The following IGSF21 variants were observed in gnomAD, a reference collection of about 807,000 sequenced individuals.
IGSF21 encodes the protein immunoglobulin superfamily member 21.
Under a neutral mutation model 46.8 loss-of-function variants are expected in IGSF21, and 28 were observed. That is an observed-to-expected ratio of 0.60 (90% CI 0.44 to 0.82). The LOEUF (loss-of-function observed/expected upper bound fraction) is 0.82. Ranked by LOEUF, IGSF21 falls within the 40% of genes least tolerant of loss-of-function variation. The pLI is 0.00. For synonymous variants in IGSF21, 284 were observed against 273.6 expected (o/e 1.04, Z -0.38); for missense variants, 624 against 665.5 (o/e 0.94, Z 0.69).
chr1:18,243,573 AC>A (rs1332727346), intron 2 of IGSF21, among the ~76,000 whole-genome samples: 2 of 152,062 alleles, frequency 1.3e-5, no homozygotes, highest in African/African-American at 4.8e-5. Flanking sequence ...AGCCAGAGTG[AC>A]CTTTTGAAAT....
At chr1:18,248,888 G>T (rs959965952) in intron 2 of IGSF21, among the ~76,000 whole-genome samples, 2 of 152,108 alleles carry the variant, frequency 1.3e-5, no homozygotes, top group South Asian at 2.1e-4. Flanking sequence ...TGATGGAGGG[G>T]TACATAGCAT....
chr1:18,376,278 C>G (rs774556115), intron 6 of IGSF21, 32 bp from the exon 7 acceptor site: 36 of 1,456,900 alleles, frequency 2.5e-5, no homozygotes, highest in Non-Finnish European at 3.4e-5. Context: ...CCTTTCCTTA[C>G]TCTCTCTGAC....
intron 1 of IGSF21, among the ~76,000 whole-genome samples, chr1:18,201,546 T>A (rs570120594): frequency 6.6e-6 from 1 of 152,172 alleles, no homozygotes. Context: ...ACAGCACCCA[T>A]GTCAACTCAG....
chr1:18,192,550 A>C (rs1327426910), intron 1 of IGSF21, among the ~76,000 whole-genome samples: 1 of 152,220 alleles, frequency 6.6e-6, no homozygotes, highest in East Asian at 1.9e-4. Flanking sequence ...ATAGAGGGTA[A>C]GGCCATTGCC....
At chr1:18,169,352 G>C (rs1187528631) in intron 1 of IGSF21, among the ~76,000 whole-genome samples, 1 of 152,184 alleles carries the variant, frequency 6.6e-6, no homozygotes, top group African/African-American at 2.4e-5. Flanking sequence ...ACTCATGCCT[G>C]GGAGTGGTTG....
intron 3 of IGSF21, among the ~76,000 whole-genome samples, chr1:18,303,223 T>C (rs1448624042): frequency 6.6e-6 from 1 of 152,184 alleles, no homozygotes; most frequent in Non-Finnish European, 1.5e-5. Context: ...TATGGAATTA[T>C]GATTTCAGCA....
Position 18,220,039 on chromosome 1 carries a change from GC to G in IGSF21, c.71-7856del, listed in dbSNP as rs573899128. Among the ~76,000 whole-genome samples, 614 of 152,290 alleles carry G rather than the reference GC, an allele frequency of 4.0e-3. 1 individual carries two copies. Among genetic ancestry groups the G allele is most frequent in the South Asian group, 6.2e-3 (30 of 4,830 alleles). On this transcript the variant is annotated intron_variant, in intron 1 of 9. Coordinates refer to ENST00000251296, the MANE Select transcript of IGSF21 (RefSeq NM_032880.5). ...GGATGCAGCAGCAGCTCCTCTTGCAGCCCTGAGTCTGCTGGTTCTGGCACTC... is the reference window on the plus strand; with the variant it reads ...GGATGCAGCAGCAGCTCCTCTTGCAGCCTGAGTCTGCTGGTTCTGGCACTC...
chr1:18,279,554 T>TGG (rs1316449255), intron 2 of IGSF21, among the ~76,000 whole-genome samples: 1 of 152,094 alleles, frequency 6.6e-6, no homozygotes, highest in East Asian at 1.9e-4. Flanking sequence ...ATTTAACAGA[T>TGG]GGGGGAGCCA....
At chr1:18,359,159 A>G (rs938693524) in intron 4 of IGSF21, among the ~76,000 whole-genome samples, 4 of 151,748 alleles carry the variant, frequency 2.6e-5, no homozygotes, top group African/African-American at 9.7e-5. Context: ...CTGTGGTCCC[A>G]GCTACTTGAG....
intron 1 of IGSF21, among the ~76,000 whole-genome samples, chr1:18,156,049 A>G (rs1323668248): frequency 6.6e-6 from 1 of 152,188 alleles, no homozygotes; most frequent in African/African-American, 2.4e-5. Context: ...GCTGGTAGCT[A>G]ATCCCGGTAA....
At chr1:18,372,618 T>G (rs1193351300) in intron 6 of IGSF21, among the ~76,000 whole-genome samples, 1 of 85,896 alleles carries the variant, frequency 1.2e-5, no homozygotes, top group Non-Finnish European at 2.6e-5. Context: ...GGGTGGATGT[T>G]TGGATGGATG....
chr1:18,178,676 C>A (rs904611053), intron 1 of IGSF21, among the ~76,000 whole-genome samples: 1 of 152,168 alleles, frequency 6.6e-6, no homozygotes, highest in African/African-American at 2.4e-5. Context: ...CCCCTTCCTG[C>A]CAGCTTCTCC....
intron 3 of IGSF21, among the ~76,000 whole-genome samples, chr1:18,292,889 C>T (rs72934821): frequency 0.041 from 6,180 of 152,266 alleles, 382 homozygotes; most frequent in African/African-American, 0.14. Context: ...GCTTTGCACA[C>T]ACACACTCTT....
chr1:18,308,940 G>C (rs927277691), intron 3 of IGSF21, among the ~76,000 whole-genome samples: 31 of 152,136 alleles, frequency 2.0e-4, no homozygotes, highest in African/African-American at 7.0e-4. Flanking sequence ...GTGCAGCCTG[G>C]AGCTGCTGGG....
chr1:18,171,883 T>G (rs541358730), intron 1 of IGSF21, among the ~76,000 whole-genome samples: 1 of 152,364 alleles, frequency 6.6e-6, no homozygotes, highest in African/African-American at 2.4e-5. Flanking sequence ...CTGTTCCCTC[T>G]AATAGTGATT....
Position 18,376,314 on chromosome 1 carries a change from C to A in IGSF21, c.1020C>A (p.Ala340=), listed in dbSNP as rs757853517. ...CTGGCCTTTCTCTCCCTACAGTTGC[C>A]CCCAAAGGACCCAAAATTGTGATGA... ...MPMQAEVTLV[A]PKGPKIVMTP... Residue 340 remains alanine (A), a synonymous_variant, in exon 7 of 10, where the codon GCC becomes GCA. Coordinates refer to ENST00000251296, the MANE Select transcript of IGSF21 (RefSeq NM_032880.5). 3.7e-6 allele frequency: 6 copies of A among 1,612,686 alleles called. No homozygotes were observed. Among genetic ancestry groups the A allele is most frequent in the African/African-American group, 1.3e-5 (1 of 74,864 alleles).
Position 18,335,473 on chromosome 1 carries a change from A to T in IGSF21, c.424+463A>T, listed in dbSNP as rs181631360. On this transcript the variant is annotated intron_variant, in intron 4 of 9. Transcript: ENST00000251296. This position sits in a 1 kb window ranked among gnomAD's most constrained non-coding sequence, Gnocchi z 4.8. ...CCTCTCCCCATGCCTCCATTTATGC[A>T]CATGTAAAATGGAGGTAATAATACT... Among the ~76,000 whole-genome samples, 105 of 152,320 alleles carry T rather than the reference A, an allele frequency of 6.9e-4. 1 individual carries two copies. The highest frequency in any genetic ancestry group is 4.4e-5 in the Non-Finnish European group (3 of 68,030).
At chr1:18,305,501 GATGGATGGATGA>G (rs113983980) in intron 3 of IGSF21, among the ~76,000 whole-genome samples, 3,936 of 145,638 alleles carry the variant, frequency 0.027, 189 homozygotes, top group African/African-American at 0.084. Context: ...TGGATGGATG[GATGGATGGATGA>G]ATGGATGGAT....
intron 3 of IGSF21, among the ~76,000 whole-genome samples, chr1:18,316,002 G>C (rs1557640176): frequency 6.6e-6 from 1 of 152,154 alleles, no homozygotes; most frequent in African/African-American, 2.4e-5. Flanking sequence ...CTTTAGGTTG[G>C]AAACACAAAG....
Sources: allele counts gnomAD v4.1 joint callset (sites outside exome capture counted in the v4.1 genomes callset), GRCh38; gene constraint gnomAD v4.1.1; non-coding constraint Gnocchi (gnomAD v3.1); transcripts MANE v1.5; gene names NCBI Gene and HGNC (gene_info 2026-07-23, HGNC 2026-07-21).